Variants in DLG2 observed in about 807,000 individuals in gnomAD.
DLG2 encodes discs large MAGUK scaffold protein 2.
Under a neutral mutation model 132.5 loss-of-function variants are expected in DLG2, and 45 were observed. The ratio of observed to expected loss-of-function variants is 0.34; its 90% CI spans 0.27 to 0.44. DLG2 has a LOEUF of 0.44. DLG2 is among the 20% of genes least tolerant of loss of function. The pLI is 1.00. For missense variants in DLG2, 1,045 were observed against 1,196.9 expected (o/e 0.87, Z 1.87); for synonymous variants, 424 against 419.6 (o/e 1.01, Z -0.13).
intron 19 of DLG2, among the ~76,000 whole-genome samples, chr11:83,584,926 A>G (rs2097055891): frequency 6.6e-6 from 1 of 152,210 alleles, no homozygotes; most frequent in African/African-American, 2.4e-5. Context: ...ATAAGACATG[A>G]TTCCTGCCTT....
intron 11 of DLG2, among the ~76,000 whole-genome samples, chr11:84,008,974 T>G (rs1301038000): frequency 6.6e-6 from 1 of 151,514 alleles, no homozygotes; most frequent in Non-Finnish European, 1.5e-5. Context: ...GAATCAAGCA[T>G]GTACTACTCA....
intron 21 of DLG2, among the ~76,000 whole-genome samples, chr11:83,494,338 T>C (rs2094031329): frequency 1.3e-5 from 2 of 150,180 alleles, no homozygotes; most frequent in South Asian, 4.3e-4. Context: ...GCACACTAGA[T>C]TATTTCTTGT....
intron 7 of DLG2, among the ~76,000 whole-genome samples, chr11:84,393,129 G>A (rs982373304): frequency 2.6e-5 from 4 of 152,086 alleles, no homozygotes; most frequent in African/African-American, 9.7e-5. Flanking sequence ...GATCGCCTTT[G>A]AATCACTGTA....
chr11:83,654,424 T>C (rs908772783), intron 18 of DLG2, among the ~76,000 whole-genome samples: 3 of 152,196 alleles, frequency 2.0e-5, no homozygotes, highest in African/African-American at 7.2e-5. Context: ...ATAGTCCTTT[T>C]AGTTTTATTT....
chr11:84,944,048 G>A (rs2374578), intron 6 of DLG2, among the ~76,000 whole-genome samples: 83,237 of 151,852 alleles, frequency 0.55, 23,303 homozygotes, highest in East Asian at 0.7. Flanking sequence ...TAAATATGTC[G>A]TGCCATTCTC....
At chr11:84,699,599 G>C (rs1445284715) in intron 6 of DLG2, among the ~76,000 whole-genome samples, 1 of 151,456 alleles carries the variant, frequency 6.6e-6, no homozygotes, top group Non-Finnish European at 1.5e-5. Flanking sequence ...CTAACCTAGA[G>C]CTCTGATGTC....
At chr11:84,377,228 T>C (rs990326589) in intron 7 of DLG2, among the ~76,000 whole-genome samples, 4 of 152,016 alleles carry the variant, frequency 2.6e-5, no homozygotes, top group African/African-American at 7.2e-5. Context: ...AAACATTTTA[T>C]ACACCAAAAG....
At chr11:84,728,581 G>A (rs1032681786) in intron 6 of DLG2, among the ~76,000 whole-genome samples, 3 of 152,150 alleles carry the variant, frequency 2.0e-5, no homozygotes, top group African/African-American at 7.2e-5. Flanking sequence ...CCAGGTGTTG[G>A]TATCAGGATG....
intron 7 of DLG2, among the ~76,000 whole-genome samples, chr11:84,384,251 G>T (rs1041537848): frequency 6.0e-5 from 9 of 151,084 alleles, no homozygotes; most frequent in Non-Finnish European, 8.9e-5. Flanking sequence ...TTTAAATATA[G>T]GAAAACCAAA....
chr11:84,431,553 TC>T (rs2098984739), intron 7 of DLG2, among the ~76,000 whole-genome samples: 1 of 152,158 alleles, frequency 6.6e-6, no homozygotes, highest in African/African-American at 2.4e-5. Flanking sequence ...TTCATTTTTT[TC>T]CTTTATCATT....
chr11:83,756,400 G>A (rs868364627), intron 18 of DLG2, among the ~76,000 whole-genome samples: 1 of 151,370 alleles, frequency 6.6e-6, no homozygotes, highest in Non-Finnish European at 1.5e-5. Flanking sequence ...TTAAAAGACT[G>A]AGATATATTG....
intron 3 of DLG2, among the ~76,000 whole-genome samples, chr11:85,568,857 G>A (rs191617934): frequency 6.6e-6 from 1 of 151,950 alleles, no homozygotes; most frequent in Admixed American, 6.6e-5. Context: ...TGAAAAACTG[G>A]TTTCGGTTTC....
At chr11:84,568,814 C>T (rs1458264453) in intron 6 of DLG2, among the ~76,000 whole-genome samples, 1 of 152,164 alleles carries the variant, frequency 6.6e-6, no homozygotes, top group Non-Finnish European at 1.5e-5. Flanking sequence ...ACAAGCTTGG[C>T]CCAGAAGGTC....
Position 84,617,129 on chromosome 11 carries a change from C to G in DLG2, c.358-82398G>C, listed in dbSNP as rs549310972. ...AGGTATTTCTCCTAATGCCATTCCT[C>G]CCTTAGCCCCCCACCCCTCAACAGG... On this transcript the variant is annotated intron_variant, in intron 6 of 27. Transcript: ENST00000376104. 5.3e-5 allele frequency among the ~76,000 whole-genome samples: 8 copies of G among 152,038 alleles called. No homozygotes were observed. In the East Asian group the frequency reaches 1.6e-3, roughly 30 times the overall value.
intron 6 of DLG2, among the ~76,000 whole-genome samples, chr11:84,678,556 A>G (rs2099720781): frequency 6.6e-6 from 1 of 152,090 alleles, no homozygotes; most frequent in East Asian, 1.9e-4. Flanking sequence ...GTCTATACTG[A>G]TGAATGAGGC....
chr11:85,311,442 A>G (rs1232252174), intron 3 of DLG2, among the ~76,000 whole-genome samples: 1 of 152,164 alleles, frequency 6.6e-6, no homozygotes, highest in African/African-American at 2.4e-5. Context: ...GGTGAAGCCC[A>G]GATTTACATC....
chr11:84,327,143 GTCTC>G (rs1309275473), intron 7 of DLG2, among the ~76,000 whole-genome samples: 35 of 130,908 alleles, frequency 2.7e-4, no homozygotes, highest in Admixed American at 1.7e-3. Context: ...TTGAGATGGA[GTCTC>G]TCTCTGTCAC....
At chr11:84,219,459 C>A (rs1239484446) in intron 8 of DLG2, among the ~76,000 whole-genome samples, 1 of 152,174 alleles carries the variant, frequency 6.6e-6, no homozygotes, top group East Asian at 1.9e-4. Flanking sequence ...CTGAGTTTGG[C>A]CTCAACTGTA....
intron 6 of DLG2, among the ~76,000 whole-genome samples, chr11:84,899,054 G>A (rs2154069233): frequency 6.6e-6 from 1 of 152,178 alleles, no homozygotes; most frequent in East Asian, 1.9e-4. Flanking sequence ...GAATGAGTGA[G>A]TGACTTAAAA....
Sources: gnomAD v4.1 joint callset for allele counts (sites outside exome capture counted in the v4.1 genomes callset) on GRCh38, gnomAD v4.1.1 for gene constraint, MANE v1.5 for transcripts, NCBI Gene and HGNC (gene_info 2026-07-23, HGNC 2026-07-21) for gene names.